The following ADAM22 variants were observed in gnomAD, a reference collection of about 807,000 sequenced individuals.
ADAM22 encodes disintegrin and metalloproteinase domain-containing protein 22.
A neutral mutation model predicts 144.6 loss-of-function variants in ADAM22; 65 were observed. The observed-to-expected ratio is 0.45, with a 90% CI of 0.37 to 0.55. The LOEUF is 0.55. Among genes scored for constraint, ADAM22 ranks in the 20% least tolerant of loss-of-function variants. The pLI, the probability that ADAM22 is intolerant of heterozygous loss-of-function variation, is 0.00. For missense variants in ADAM22, 974 were observed against 1,184.9 expected, an observed-to-expected ratio of 0.82 and a Z score of 2.61; for synonymous variants, 391 against 412.6, an observed-to-expected ratio of 0.95 and a Z score of 0.63.
intron 14 of ADAM22, among the ~76,000 whole-genome samples, chr7:88,142,048 A>T (rs552987676): frequency 3.0e-4 from 46 of 152,042 alleles, no homozygotes; most frequent in South Asian, 1.2e-3. Flanking sequence ...ACATTTTTTT[A>T]AAAAAAACCT....
At chr7:88,039,464 A>AAAAAAAAAAAAAAATATATATAT in intron 3 of ADAM22, among the ~76,000 whole-genome samples, 9 of 76,390 alleles carry the variant, frequency 1.2e-4, no homozygotes, top group African/African-American at 4.3e-4. Context: ...AAAAAAAAAA[A>AAAAAAAAAAAAAAATATATATAT]ATATATATAT....
rs1049255442 is a variant in ADAM22, at chr7:88,195,606, C to G, written c.2875-865C>G. 2.6e-5 allele frequency among the ~76,000 whole-genome samples: 4 copies of G among 152,122 alleles called. No homozygotes were observed. In the East Asian group the frequency reaches 7.7e-4, roughly 29 times the overall value. On this transcript the variant is annotated intron_variant, in intron 31 of 31. Transcript: ENST00000413139. ...TCTCGGCTCACTGCAAGCTCCGCCT[C>G]CCGGGTTCACGCCATTCTCCTGCCT...
chr7:88,114,595 A>G lies in ADAM22; in HGVS notation c.485A>G (p.Tyr162Cys), dbSNP rs769570093. Residue 162 changes from tyrosine (Y) to cysteine (C), a missense_variant, in exon 6 of 32, where the codon TAT becomes TGT. By Grantham distance (194) the Tyr-to-Cys change is radical. Around this residue, in one of 2 missense-constraint regions of ADAM22, gnomAD observed 240 missense variants for 234.3 expected, o/e 1.02. Transcript: ENST00000413139. ...STCHGLHGMFYDGNHTYLIEP... is the reference protein window; with the variant it reads ...STCHGLHGMFCDGNHTYLIEP... ...TTTGTCGTTGGCAGTGGGATGTTCTATGACGGGAACCACACATATCTCATT... is the reference window on the plus strand; with the variant it reads ...TTTGTCGTTGGCAGTGGGATGTTCTGTGACGGGAACCACACATATCTCATT... The G allele has an allele frequency of 5.0e-6, 8 of 1,613,844 alleles. No homozygotes were observed. The Admixed American group carries it at 1.2e-4, about 24-fold the overall frequency.
At chr7:87,965,342 A>G (rs140365919) in intron 2 of ADAM22, among the ~76,000 whole-genome samples, 1 of 152,306 alleles carries the variant, frequency 6.6e-6, no homozygotes, top group African/African-American at 2.4e-5. Context: ...TTTCTTGACT[A>G]TATCCTTGGA....
chr7:88,069,128 T>C (rs1812059653), intron 3 of ADAM22, among the ~76,000 whole-genome samples: 1 of 151,358 alleles, frequency 6.6e-6, no homozygotes, highest in East Asian at 1.9e-4. Context: ...TCACCCTCTC[T>C]TGTCTTCCCT....
chr7:87,955,724 C>A (rs1019847960), intron 2 of ADAM22, among the ~76,000 whole-genome samples: 2 of 152,194 alleles, frequency 1.3e-5, no homozygotes, highest in Non-Finnish European at 2.9e-5. Flanking sequence ...TGCCCTGCCC[C>A]CAGAGGTGTA....
At chr7:88,172,716 C>T (rs1844653731) in intron 26 of ADAM22, among the ~76,000 whole-genome samples, 1 of 151,844 alleles carries the variant, frequency 6.6e-6, no homozygotes. Context: ...AAATATTGAC[C>T]TTTCCCTAGA....
chr7:88,094,945 C>T (rs1300165260), intron 4 of ADAM22, among the ~76,000 whole-genome samples: 1 of 152,172 alleles, frequency 6.6e-6, no homozygotes, highest in Non-Finnish European at 1.5e-5. Context: ...AGTTAATATA[C>T]GTACGTCCTT....
At chr7:88,009,490 G>T (rs1794856088) in intron 3 of ADAM22, among the ~76,000 whole-genome samples, 1 of 152,024 alleles carries the variant, frequency 6.6e-6, no homozygotes, top group South Asian at 2.1e-4. Flanking sequence ...AGTAGTCTTT[G>T]CTGTATATAG....
intron 31 of ADAM22, among the ~76,000 whole-genome samples, chr7:88,194,874 A>T (rs1850352709): frequency 6.6e-6 from 1 of 152,088 alleles, no homozygotes; most frequent in Non-Finnish European, 1.5e-5. Context: ...CACAGTTCAG[A>T]TATTCCTGTG....
At chr7:88,087,987 A>G (rs921573049) in intron 4 of ADAM22, among the ~76,000 whole-genome samples, 6 of 152,176 alleles carry the variant, frequency 3.9e-5, no homozygotes, top group Non-Finnish European at 8.8e-5. Flanking sequence ...TAAGTAAGCA[A>G]AGGAGTGCGG....
chr7:88,195,819 G>C lies in ADAM22; in HGVS notation c.2875-652G>C, dbSNP rs533844591. ...GGCGTGAGCCACCACGCCCGGCTGA[G>C]AGAACTATTTTTTAAGGAGGTAGTG... is the stretch of plus-strand genomic sequence containing the variant. On this transcript the variant is annotated intron_variant, in intron 31 of 31. Transcript: ENST00000413139. 7.2e-4 allele frequency among the ~76,000 whole-genome samples: 110 copies of C among 152,262 alleles called. 1 individual carries two copies. Among genetic ancestry groups the C allele is most frequent in the Middle Eastern group, 3.4e-3 (1 of 294 alleles).
At position 88,151,115 on chromosome 7, in the gene ADAM22, AT is replaced by A. The variant is rs1838220206; in HGVS notation, c.1617+87del. On this transcript the variant is annotated intron_variant, in intron 19 of 31. Transcript: ENST00000413139. ...AAATCTTATCAAAATAGGAAGATCA[AT>A]TTAAATGTTTGTAATCAATTCTGAA... 2.0e-6 allele frequency: 3 copies of A among 1,530,948 alleles called. No individual in the cohort carries two copies. In the Admixed American group the frequency reaches 5.1e-5, roughly 26 times the overall value. 94.8% of individuals were successfully genotyped at this position (1,530,948 alleles called of 1,614,324 possible).
At chr7:88,013,735 A>G (rs1156268985) in intron 3 of ADAM22, among the ~76,000 whole-genome samples, 2 of 152,058 alleles carry the variant, frequency 1.3e-5, no homozygotes, top group Non-Finnish European at 2.9e-5. Context: ...CATTTCTTGA[A>G]CCTTCTGAAT....
At chr7:88,123,829 A>G (rs955532949) in intron 7 of ADAM22, among the ~76,000 whole-genome samples, 5 of 151,874 alleles carry the variant, frequency 3.3e-5, no homozygotes, top group African/African-American at 1.2e-4. Flanking sequence ...AGGTCAAAAC[A>G]TTTTCTAAAT....
intron 9 of ADAM22, among the ~76,000 whole-genome samples, chr7:88,129,761 G>T (rs1177455191): frequency 1.3e-5 from 2 of 152,072 alleles, no homozygotes; most frequent in Non-Finnish European, 2.9e-5. Flanking sequence ...TCTAAGGGGA[G>T]CAACTGCCTC....
intron 2 of ADAM22, among the ~76,000 whole-genome samples, chr7:87,949,886 G>A (rs573969563): frequency 9.3e-4 from 139 of 149,186 alleles, no homozygotes; most frequent in Non-Finnish European, 1.5e-3. Context: ...AAGTTTACAC[G>A]TCTATTATAT....
chr7:87,941,852 G>C (rs1842541380), intron 2 of ADAM22, among the ~76,000 whole-genome samples: 1 of 152,092 alleles, frequency 6.6e-6, no homozygotes, highest in African/African-American at 2.4e-5. Flanking sequence ...ATGACTCTAA[G>C]AGCTTATAGG....
intron 3 of ADAM22, among the ~76,000 whole-genome samples, chr7:88,038,488 T>C (rs1293057958): frequency 6.7e-6 from 1 of 149,802 alleles, no homozygotes; most frequent in Non-Finnish European, 1.5e-5. Flanking sequence ...GGAGTTTCGC[T>C]CTGTCGCCCA....
Sources: gnomAD v4.1 joint callset for allele counts (sites outside exome capture counted in the v4.1 genomes callset) on GRCh38, gnomAD v4.1.1 for gene constraint, gnomAD v4.1.1 regional missense constraint, MANE v1.5 for transcripts, NCBI Gene and HGNC (gene_info 2026-07-23, HGNC 2026-07-21) for gene names.